The following PEMT variants were observed in gnomAD, a reference collection of about 807,000 sequenced individuals.
The protein encoded by PEMT is phospholipid methyltransferase.
In PEMT, 23 loss-of-function variants were observed where a neutral mutation model predicts 27.4. The ratio of observed to expected loss-of-function variants is 0.84; its 90% CI spans 0.60 to 1.19. The LOEUF is 1.19. Among genes scored for constraint, PEMT ranks in the 50% most tolerant of loss-of-function variants. The pLI, the probability that PEMT is intolerant of heterozygous loss-of-function variation, is 0.00. For synonymous variants in PEMT, 137 were observed against 139.1 expected, an observed-to-expected ratio of 0.98 and a Z score of 0.11; for missense variants, 307 against 310.1, an observed-to-expected ratio of 0.99 and a Z score of 0.07.
chr17:17,563,954 C>T (rs1358318036), intron 2 of PEMT, among the ~76,000 whole-genome samples: 4 of 152,158 alleles, frequency 2.6e-5, no homozygotes, highest in African/African-American at 4.8e-5. Context: ...CCTCACAGGG[C>T]GGGGCTGTGG....
intron 3 of PEMT, among the ~76,000 whole-genome samples, chr17:17,515,142 C>G (rs1270041266): frequency 6.6e-6 from 1 of 152,188 alleles, no homozygotes; most frequent in African/African-American, 2.4e-5. Context: ...CTCTTACCCC[C>G]TCCTGCGGAG....
chr17:17,579,587 A>G (rs1911856542), intron 1 of PEMT, among the ~76,000 whole-genome samples: 1 of 152,202 alleles, frequency 6.6e-6, no homozygotes, highest in South Asian at 2.1e-4. Flanking sequence ...CTGAGGCAGG[A>G]GAATTACTTG....
At chr17:17,509,296 A>G in intron 5 of PEMT, 138 bp downstream of exon 5, 1 of 617,836 alleles carries the variant, frequency 1.6e-6, no homozygotes, top group Non-Finnish European at 2.9e-6. Flanking sequence ...AGGGAGAACC[A>G]GGGCGCCTAG....
chr17:17,516,008 G>C (rs891783045), intron 3 of PEMT, among the ~76,000 whole-genome samples: 2 of 152,148 alleles, frequency 1.3e-5, no homozygotes, highest in African/African-American at 4.8e-5. Flanking sequence ...GCAGTCCTGG[G>C]CCACACACCA....
chr17:17,524,254 AGT>A (rs1400925624), intron 2 of PEMT, among the ~76,000 whole-genome samples: 1 of 152,182 alleles, frequency 6.6e-6, no homozygotes, highest in East Asian at 1.9e-4. Flanking sequence ...ATCGTGCCCA[AGT>A]GTTTTGTGGA....
intron 2 of PEMT, among the ~76,000 whole-genome samples, chr17:17,531,042 CAAA>C (rs753558318): frequency 7.5e-5 from 5 of 66,950 alleles, no homozygotes; most frequent in Admixed American, 1.7e-4. Context: ...GACTCCGTCT[CAAA>C]AAAAAAAAAA....
intron 1 of PEMT, 25 bp downstream of exon 1, chr17:17,591,506 C>T (rs764176738): frequency 6.3e-7 from 1 of 1,578,032 alleles, no homozygotes; most frequent in South Asian, 1.1e-5. Context: ...TCCCAGTTTC[C>T]GCGGCGGTCC....
intron 2 of PEMT, among the ~76,000 whole-genome samples, chr17:17,550,878 A>G (rs117107422): frequency 0.025 from 3,735 of 152,332 alleles, 67 homozygotes; most frequent in Non-Finnish European, 0.036. Context: ...TCGTGAGAGC[A>G]CACAAACTCC....
chr17:17,555,208 G>A (rs982202445), intron 2 of PEMT, among the ~76,000 whole-genome samples: 1 of 152,150 alleles, frequency 6.6e-6, no homozygotes, highest in Non-Finnish European at 1.5e-5. Flanking sequence ...AAGCCATGGA[G>A]CTCTGCAGAG....
intron 3 of PEMT, among the ~76,000 whole-genome samples, chr17:17,514,498 C>G (rs1476239566): frequency 1.3e-5 from 2 of 152,220 alleles, no homozygotes; most frequent in Non-Finnish European, 2.9e-5. Context: ...CAGAGGCGGG[C>G]ACACCGACCT....
chr17:17,591,865 G>C, upstream of PEMT: 5 of 985,486 alleles, frequency 5.1e-6, no homozygotes, highest in Non-Finnish European at 6.0e-6. Flanking sequence ...TCGCCGCAGA[G>C]CCTGCCGGTT....
intron 4 of PEMT, among the ~76,000 whole-genome samples, chr17:17,511,294 G>T (rs1906374948): frequency 6.6e-6 from 1 of 152,126 alleles, no homozygotes; most frequent in Non-Finnish European, 1.5e-5. Flanking sequence ...CCCCTTCCTG[G>T]ACCAAACTCC....
At chr17:17,563,100 T>C (rs4646367) in intron 2 of PEMT, among the ~76,000 whole-genome samples, 9,115 of 152,230 alleles carry the variant, frequency 0.06, 382 homozygotes, top group East Asian at 0.14. Flanking sequence ...CCAAGATCTG[T>C]CTCAGCAGCA....
chr17:17,586,082 C>CA (rs534827668), intron 1 of PEMT, among the ~76,000 whole-genome samples: 506 of 35,874 alleles, frequency 0.014, 6 homozygotes, highest in East Asian at 0.037. Context: ...GACTCCGTCT[C>CA]AAAAAAAAAA....
At chr17:17,537,045 G>C (rs1358636118) in intron 2 of PEMT, among the ~76,000 whole-genome samples, 1 of 152,260 alleles carries the variant, frequency 6.6e-6, no homozygotes. Flanking sequence ...CAGGGTGTCT[G>C]CTACGTGCTC....
chr17:17,530,822 G>A (rs1190611504), intron 2 of PEMT, among the ~76,000 whole-genome samples: 1 of 152,120 alleles, frequency 6.6e-6, no homozygotes, highest in Non-Finnish European at 1.5e-5. Flanking sequence ...AAAAACTTTT[G>A]AAGTGGAAAT....
Position 17,543,825 on chromosome 17 carries a change from A to G in PEMT, c.205-21430T>C, listed in dbSNP as rs532953283. ...TGACCTGCTTGCCTCAGCCTCCCAGAGTGTTGGGATTACGGGCGTGAGCCA... is the reference window on the plus strand; with the variant it reads ...TGACCTGCTTGCCTCAGCCTCCCAGGGTGTTGGGATTACGGGCGTGAGCCA... On this transcript the variant is annotated intron_variant, in intron 2 of 6. Coordinates refer to ENST00000255389, the MANE Select transcript of PEMT (RefSeq NM_148172.3). Among the ~76,000 whole-genome samples, 4 of 152,234 alleles carry G rather than the reference A, an allele frequency of 2.6e-5. No individual in the cohort carries two copies. In the East Asian group the frequency reaches 7.7e-4, roughly 29 times the overall value.
intron 3 of PEMT, among the ~76,000 whole-genome samples, chr17:17,516,968 G>C (rs1906885379): frequency 6.6e-6 from 1 of 152,198 alleles, no homozygotes; most frequent in Non-Finnish European, 1.5e-5. Context: ...AGCTGGCCTT[G>C]AGTTAATCAA....
intron 2 of PEMT, among the ~76,000 whole-genome samples, chr17:17,557,360 G>A (rs4646371): frequency 0.34 from 51,360 of 152,110 alleles, 10,017 homozygotes; most frequent in Middle Eastern, 0.46. Context: ...TTATGAAAGG[G>A]ACGTGACATG....
Sources: gnomAD v4.1 joint callset for allele counts (sites outside exome capture counted in the v4.1 genomes callset) on GRCh38, gnomAD v4.1.1 for gene constraint, MANE v1.5 for transcripts, NCBI Gene and HGNC (gene_info 2026-07-23, HGNC 2026-07-21) for gene names.